Variants in NRG3 observed in about 807,000 individuals in gnomAD.
The protein encoded by NRG3 is pro-neuregulin-3, membrane-bound isoform.
Under a neutral mutation model 66.9 loss-of-function variants are expected in NRG3, and 31 were observed. That is an observed-to-expected ratio of 0.46 (90% CI 0.35 to 0.63). The LOEUF (loss-of-function observed/expected upper bound fraction) is 0.63. Among genes scored for constraint, NRG3 ranks in the 20% least tolerant of loss-of-function variants. The pLI is 0.00. For synonymous variants in NRG3, 393 were observed against 359.4 expected (o/e 1.09, Z -1.06); for missense variants, 910 against 878.9 (o/e 1.04, Z -0.45).
At chr10:82,749,599 T>C (rs926937634) in intron 3 of NRG3, among the ~76,000 whole-genome samples, 1 of 152,142 alleles carries the variant, frequency 6.6e-6, no homozygotes, top group African/African-American at 2.4e-5. Context: ...ATTTGGCCTG[T>C]CACTTATATG....
intron 1 of NRG3, among the ~76,000 whole-genome samples, chr10:81,990,044 A>G (rs1428278892): frequency 1.3e-5 from 2 of 152,196 alleles, no homozygotes; most frequent in Admixed American, 6.5e-5. Flanking sequence ...GAAAGTTTGA[A>G]GAGGCAAAAT....
intron 4 of NRG3, among the ~76,000 whole-genome samples, chr10:82,932,040 C>T (rs1847625987): frequency 6.6e-6 from 1 of 152,178 alleles, no homozygotes. Flanking sequence ...TTAGCTCCCA[C>T]CTGCCCATGG....
chr10:82,798,866 C>A (rs1199162945), intron 3 of NRG3, among the ~76,000 whole-genome samples: 1 of 152,134 alleles, frequency 6.6e-6, no homozygotes, highest in Admixed American at 6.5e-5. Context: ...ACTCCTACAT[C>A]CTTATCTCGG....
intron 2 of NRG3, among the ~76,000 whole-genome samples, chr10:82,550,147 CCACA>C (rs1462694861): frequency 6.6e-6 from 1 of 152,090 alleles, no homozygotes; most frequent in Non-Finnish European, 1.5e-5. Flanking sequence ...ATAATGCTTG[CCACA>C]TAGAAAGCTC....
chr10:82,970,912 G>A (rs1461147614), intron 6 of NRG3, among the ~76,000 whole-genome samples: 1 of 152,084 alleles, frequency 6.6e-6, no homozygotes, highest in Non-Finnish European at 1.5e-5. Flanking sequence ...ATAAAGCAAT[G>A]CTGAGGCTGG....
chr10:82,102,141 T>TATATATATATGTGTGTATTC (rs1564564697), intron 1 of NRG3, among the ~76,000 whole-genome samples: 3 of 39,266 alleles, frequency 7.6e-5, no homozygotes, highest in East Asian at 8.3e-4. Flanking sequence ...TTCATATATA[T>TATATATATATGTGTGTATTC]ATATATATAT....
chr10:82,321,787 G>A (rs1234794568), intron 1 of NRG3, among the ~76,000 whole-genome samples: 2 of 152,204 alleles, frequency 1.3e-5, no homozygotes, highest in Non-Finnish European at 2.9e-5. Context: ...AGGCAGCAGA[G>A]ATGTGTATAT....
chr10:82,862,197 T>A (rs1322700054), intron 3 of NRG3, among the ~76,000 whole-genome samples: 2 of 152,146 alleles, frequency 1.3e-5, no homozygotes, highest in Non-Finnish European at 2.9e-5. Context: ...AACAGACTGT[T>A]AGATGGTTAC....
rs540967774 is a variant in NRG3 at position 82,158,240 on chromosome 10, T to A, written c.824-200499T>A. Among the ~76,000 whole-genome samples the A allele has an allele frequency of 1.7e-3, 265 of 151,952 alleles. 1 individual carries two copies. The highest frequency in any genetic ancestry group is 6.2e-3 in the African/African-American group (258 of 41,548). On this transcript the variant is annotated intron_variant, in intron 1 of 8. Coordinates refer to ENST00000372141, the MANE Select transcript of NRG3 (RefSeq NM_001010848.4). ...ATCAAAGTCCTTTTATGAAGGAAAC[T>A]GAATTAACATGTCATTTATTCATTG...
intron 2 of NRG3, among the ~76,000 whole-genome samples, chr10:82,599,854 C>A (rs1213125398): frequency 1.3e-5 from 2 of 151,918 alleles, no homozygotes; most frequent in Non-Finnish European, 2.9e-5. Flanking sequence ...TGAAACAAAA[C>A]AAAAGAATGA....
At chr10:82,585,693 C>T (rs201008988) in intron 2 of NRG3, among the ~76,000 whole-genome samples, 2 of 152,264 alleles carry the variant, frequency 1.3e-5, no homozygotes, top group East Asian at 3.9e-4. Context: ...GCCATCTCAC[C>T]TACACTCTCT....
chr10:82,445,658 C>G (rs1194286081), intron 2 of NRG3, among the ~76,000 whole-genome samples: 1 of 152,196 alleles, frequency 6.6e-6, no homozygotes, highest in East Asian at 1.9e-4. Context: ...ACCACTCAAA[C>G]AGCAAGACTT....
intron 1 of NRG3, among the ~76,000 whole-genome samples, chr10:82,185,846 A>G (rs2073769948): frequency 6.6e-6 from 1 of 152,196 alleles, no homozygotes; most frequent in Non-Finnish European, 1.5e-5. Flanking sequence ...TAATGAAACA[A>G]GTTCGAGTTA....
chr10:82,103,945 C>T (rs35152046), intron 1 of NRG3, among the ~76,000 whole-genome samples: 66,840 of 150,290 alleles, frequency 0.44, 15,717 homozygotes, highest in Non-Finnish European at 0.54. Context: ...TCTTTCCCAG[C>T]GATCTACTAG....
chr10:82,917,988 ATATATGTATGTATG>A (rs1564629528), intron 4 of NRG3, among the ~76,000 whole-genome samples: 63 of 128,014 alleles, frequency 4.9e-4, no homozygotes, highest in Non-Finnish European at 7.8e-4. Context: ...ATATATATAT[ATATATGTATGTATG>A]TATCTCTCTC....
At chr10:82,005,216 C>T (rs79500130) in intron 1 of NRG3, among the ~76,000 whole-genome samples, 278 of 152,246 alleles carry the variant, frequency 1.8e-3, no homozygotes, top group Non-Finnish European at 3.3e-3. Flanking sequence ...CATGGCCTGC[C>T]TGTAGTGGTA....
chr10:82,147,764 C>A (rs2070368208), intron 1 of NRG3, among the ~76,000 whole-genome samples: 1 of 152,164 alleles, frequency 6.6e-6, no homozygotes, highest in Admixed American at 6.5e-5. Context: ...AGAGCCTTTA[C>A]TAATTTATTT....
intron 3 of NRG3, among the ~76,000 whole-genome samples, chr10:82,856,439 A>T (rs1452473251): frequency 6.6e-6 from 1 of 152,064 alleles, no homozygotes; most frequent in African/African-American, 2.4e-5. Context: ...GCCTAATTTT[A>T]AAAATTAGAT....
chr10:82,596,967 C>T (rs1483395604), intron 2 of NRG3, among the ~76,000 whole-genome samples: 2 of 152,156 alleles, frequency 1.3e-5, no homozygotes, highest in African/African-American at 4.8e-5. Flanking sequence ...TTCCCCCCAC[C>T]CTGTGGTTTT....
Sources: gnomAD v4.1 joint callset for allele counts (sites outside exome capture counted in the v4.1 genomes callset) on GRCh38, gnomAD v4.1.1 for gene constraint, MANE v1.5 for transcripts, NCBI Gene and HGNC (gene_info 2026-07-23, HGNC 2026-07-21) for gene names.